Variants in ARL15 observed in about 807,000 individuals in gnomAD.
ARL15 encodes the protein ADP-ribosylation factor-like protein 15.
ARL15 carries 19 observed loss-of-function variants against 25.2 expected under a neutral mutation model. That is an observed-to-expected ratio of 0.75 (90% CI 0.53 to 1.10). The LOEUF (loss-of-function observed/expected upper bound fraction) is 1.10, where lower values mean the gene tolerates loss of function less well. Ranked by LOEUF, ARL15 falls within the 50% of genes least tolerant of loss-of-function variation. ARL15 has a pLI of 0.00. For synonymous variants in ARL15, 94 were observed against 86.8 expected, an observed-to-expected ratio of 1.08 and a Z score of -0.46; for missense variants, 220 against 246.0, an observed-to-expected ratio of 0.89 and a Z score of 0.71.
chr5:53,944,588 C>A (rs1746661870), intron 4 of ARL15, among the ~76,000 whole-genome samples: 1 of 151,878 alleles, frequency 6.6e-6, no homozygotes, highest in South Asian at 2.1e-4. Flanking sequence ...TGAGACCCTG[C>A]CTCAAAAAAC....
At chr5:53,956,252 C>T (rs1190255573) in intron 4 of ARL15, among the ~76,000 whole-genome samples, 1 of 151,790 alleles carries the variant, frequency 6.6e-6, no homozygotes, top group East Asian at 1.9e-4. Context: ...ATACATCCCT[C>T]GTTTTAATAG....
chr5:54,057,314 T>C (rs922451200), intron 4 of ARL15, among the ~76,000 whole-genome samples: 12 of 152,326 alleles, frequency 7.9e-5, no homozygotes, highest in Admixed American at 2.0e-4. Context: ...AAATAAATGT[T>C]CTTTCTGAAG....
At chr5:54,018,089 C>A (rs1403716111) in intron 4 of ARL15, among the ~76,000 whole-genome samples, 1 of 152,080 alleles carries the variant, frequency 6.6e-6, no homozygotes, top group African/African-American at 2.4e-5. Context: ...ACATGTTCAT[C>A]ATAGTTTTTA....
chr5:54,238,258 T>C (rs1756862806), intron 1 of ARL15, among the ~76,000 whole-genome samples: 1 of 152,056 alleles, frequency 6.6e-6, no homozygotes, highest in African/African-American at 2.4e-5. Context: ...GATTCAGGGG[T>C]TGACCCTTTG....
intron 1 of ARL15, among the ~76,000 whole-genome samples, chr5:54,180,989 T>C (rs1011292116): frequency 1.3e-5 from 2 of 152,122 alleles, no homozygotes; most frequent in Admixed American, 6.6e-5. Context: ...GCATCAGTCA[T>C]CCCCGATCAG....
At chr5:54,168,603 G>C (rs1036255356) in intron 2 of ARL15, among the ~76,000 whole-genome samples, 1 of 151,900 alleles carries the variant, frequency 6.6e-6, no homozygotes, top group African/African-American at 2.4e-5. Context: ...TCTAGCCTTA[G>C]ATCCCAACAT....
At chr5:54,124,747 A>G (rs899874346) in intron 3 of ARL15, among the ~76,000 whole-genome samples, 2 of 152,230 alleles carry the variant, frequency 1.3e-5, no homozygotes, top group African/African-American at 4.8e-5. Flanking sequence ...TAATGGCATC[A>G]TAGGTGCTCA....
rs113446902 is a variant in ARL15, at chr5:54,021,758, A to G, written c.462+91444T>C. Among the ~76,000 whole-genome samples the G allele has an allele frequency of 1.0e-3, 156 of 152,332 alleles. 1 individual carries two copies. In the South Asian group the frequency reaches 0.017, roughly 16 times the overall value. Reference sequence around the variant, plus strand: ...TATCCCAAATTTGGCAAAAAGACATAATGATTGAAGAAGTTTACAGATTGA... The same window carrying G: ...TATCCCAAATTTGGCAAAAAGACATGATGATTGAAGAAGTTTACAGATTGA... On this transcript the variant is annotated intron_variant, in intron 4 of 4. Coordinates refer to ENST00000504924, the MANE Select transcript of ARL15 (RefSeq NM_019087.3).
chr5:54,252,427 T>C (rs185005205), intron 1 of ARL15, among the ~76,000 whole-genome samples: 1 of 152,212 alleles, frequency 6.6e-6, no homozygotes, highest in Non-Finnish European at 1.5e-5. Context: ...CACTTGCTAC[T>C]TAGAAGTTCA....
At chr5:54,200,719 T>C (rs1755698837) in intron 1 of ARL15, among the ~76,000 whole-genome samples, 1 of 152,176 alleles carries the variant, frequency 6.6e-6, no homozygotes, top group Admixed American at 6.5e-5. Context: ...ATACAGGGAA[T>C]ATCTTAACTT....
chr5:54,034,379 C>T (rs1750103308), intron 4 of ARL15, among the ~76,000 whole-genome samples: 1 of 152,128 alleles, frequency 6.6e-6, no homozygotes, highest in Admixed American at 6.5e-5. Flanking sequence ...ACATTCTTAT[C>T]CTCTAAGCTT....
At chr5:53,941,927 G>C (rs751425478) in intron 4 of ARL15, among the ~76,000 whole-genome samples, 11 of 152,096 alleles carry the variant, frequency 7.2e-5, no homozygotes, top group Admixed American at 1.3e-4. Flanking sequence ...TTATTTTCAT[G>C]ATGAGAAACC....
chr5:53,925,829 CA>C (rs934660600), intron 4 of ARL15, among the ~76,000 whole-genome samples: 8 of 151,230 alleles, frequency 5.3e-5, no homozygotes, highest in African/African-American at 1.5e-4. Context: ...AAAATAATAA[CA>C]AAAAAAACTT....
rs564373352 is a variant in ARL15 at position 53,981,177 on chromosome 5, G to GA, written c.463-94465dup. Among the ~76,000 whole-genome samples the GA allele has an allele frequency of 7.3e-5, 11 of 150,748 alleles. No homozygotes were observed. The South Asian group carries it at 1.5e-3, about 20-fold the overall frequency. On this transcript the variant is annotated intron_variant, in intron 4 of 4. Coordinates refer to ENST00000504924, the MANE Select transcript of ARL15 (RefSeq NM_019087.3). The stretch of plus-strand genomic sequence containing the variant: ...ACTGAAGATATAATAACTAGATCCA[G>GA]AAAAAAAAATCCTACAGAATTTCCT...
intron 4 of ARL15, among the ~76,000 whole-genome samples, chr5:54,056,926 G>A (rs1337970299): frequency 6.6e-6 from 1 of 152,126 alleles, no homozygotes; most frequent in East Asian, 1.9e-4. Flanking sequence ...AACTACTCAT[G>A]TAGTAGGTTT....
chr5:54,191,609 C>A (rs1193046177), intron 1 of ARL15, among the ~76,000 whole-genome samples: 1 of 152,108 alleles, frequency 6.6e-6, no homozygotes. Flanking sequence ...GCCAAAAACT[C>A]TAGAATAATC....
At chr5:53,926,241 A>C (rs1452637030) in intron 4 of ARL15, among the ~76,000 whole-genome samples, 2 of 152,046 alleles carry the variant, frequency 1.3e-5, no homozygotes, top group South Asian at 4.1e-4. Flanking sequence ...TAATGCCCAC[A>C]GGGCTGCAGA....
chr5:54,080,160 A>G (rs1441665250), intron 4 of ARL15, among the ~76,000 whole-genome samples: 3 of 152,248 alleles, frequency 2.0e-5, no homozygotes, highest in East Asian at 3.8e-4. Flanking sequence ...ATCACTTTCA[A>G]TAAAACACAG....
chr5:53,974,671 C>G (rs886089863), intron 4 of ARL15, among the ~76,000 whole-genome samples: 1 of 152,126 alleles, frequency 6.6e-6, no homozygotes, highest in Non-Finnish European at 1.5e-5. Flanking sequence ...TAATAGTTAA[C>G]AAAATAAAGA....
Sources: gnomAD v4.1 joint callset for allele counts (sites outside exome capture counted in the v4.1 genomes callset) on GRCh38, gnomAD v4.1.1 for gene constraint, MANE v1.5 for transcripts, NCBI Gene and HGNC (gene_info 2026-07-23, HGNC 2026-07-21) for gene names.